The following ZNF341 variants were observed in gnomAD, a reference collection of about 807,000 sequenced individuals.
ZNF341 encodes zinc finger protein 341.
A neutral mutation model predicts 87.7 loss-of-function variants in ZNF341; 52 were observed. That is an observed-to-expected ratio of 0.59 (90% CI 0.47 to 0.75). The LOEUF (loss-of-function observed/expected upper bound fraction) is 0.75. ZNF341 is among the 30% of genes least tolerant of loss of function. ZNF341 has a pLI of 0.00. For missense variants in ZNF341, 977 were observed against 1,145.9 expected, an observed-to-expected ratio of 0.85 and a Z score of 2.13; for synonymous variants, 459 against 472.7, an observed-to-expected ratio of 0.97 and a Z score of 0.38.
chr20:33,747,165 C>T (rs2018943752), intron 3 of ZNF341, among the ~76,000 whole-genome samples: 1 of 152,150 alleles, frequency 6.6e-6, no homozygotes, highest in Admixed American at 6.6e-5. Flanking sequence ...GATGCCAGGT[C>T]AAGGGGTCAG....
Position 33,758,592 on chromosome 20 carries a change from T to G in ZNF341, c.938-124T>G, listed in dbSNP as rs974694636. Reference sequence around the variant, plus strand: ...TCTCCCATGTCTCCTCCCTGGCCTGTGTATGGGCATAGACTTCCCTGGGGT... The same window carrying G: ...TCTCCCATGTCTCCTCCCTGGCCTGGGTATGGGCATAGACTTCCCTGGGGT... On this transcript the variant is annotated intron_variant, in intron 6 of 14. Transcript: ENST00000375200. The G allele has an allele frequency of 4.9e-5, 34 of 700,390 alleles. No homozygotes were observed. In the Middle Eastern group the frequency reaches 1.1e-3, roughly 22 times the overall value. 43.4% of individuals were successfully genotyped at this position (700,390 alleles called of 1,614,324 possible). A position where few individuals can be genotyped will look rare whatever the true frequency, so the allele number is the denominator to read the frequency against.
At chr20:33,747,662 G>A (rs1321516165) in intron 3 of ZNF341, among the ~76,000 whole-genome samples, 1 of 140,030 alleles carries the variant, frequency 7.1e-6, no homozygotes, top group Admixed American at 7.4e-5. Flanking sequence ...TTTTCTCACT[G>A]CTTGACTGTG....
Position 33,788,969 on chromosome 20 carries a change from T to C in ZNF341, c.1959T>C (p.Pro653=). 6.2e-7 allele frequency: 1 copy of C among 1,613,634 alleles called. No individual in the cohort carries two copies. The change falls in exon 13 of 15, where the codon CCT becomes CCC. Residue 653 remains proline, a synonymous_variant. Coordinates refer to ENST00000375200, the MANE Select transcript of ZNF341 (RefSeq NM_001282933.2). ...AGCCCTTCAAGAAATACAAATGCCC[T>C]TTCTCGTGAGTAGAGACTGCCATGC... is the stretch of plus-strand genomic sequence containing the variant. ...IHEPFKKYKC[P]FSTHTGCSKE...
At chr20:33,737,303 TTTTATTTA>T (rs999434655) in intron 1 of ZNF341, among the ~76,000 whole-genome samples, 1 of 151,978 alleles carries the variant, frequency 6.6e-6, no homozygotes, top group Non-Finnish European at 1.5e-5. Flanking sequence ...GGTTTTTTAT[TTTTATTTA>T]TTTATTTATT....
chr20:33,769,836 G>A (rs2019486718), intron 9 of ZNF341, among the ~76,000 whole-genome samples: 1 of 152,208 alleles, frequency 6.6e-6, no homozygotes. Flanking sequence ...GCTTGAACCT[G>A]TGAAGTGGAG....
At chr20:33,749,243 G>A (rs879939044) in intron 4 of ZNF341, among the ~76,000 whole-genome samples, 171 bp downstream of exon 4, 3 of 152,204 alleles carry the variant, frequency 2.0e-5, no homozygotes, top group African/African-American at 4.8e-5. Flanking sequence ...AAGCTGCTAC[G>A]TCTAGGTGGG....
At position 33,749,020 on chromosome 20, in the gene ZNF341, C is replaced by T. The variant is rs754115354; in HGVS notation, c.437C>T (p.Ser146Leu). ...GATGATGTGCTCATGTCTGCCATGT[C>T]AGCCTTCACATCCCTGGACCAGCCC... The part of the protein sequence containing the change: ...VSDDVLMSAM[S>L]AFTSLDQPMP... The change falls in exon 4 of 15, where the codon TCA (serine) becomes TTA (leucine). Residue 146 changes from serine (S) to leucine (L), a missense_variant. Around this residue, in one of 3 missense-constraint regions of ZNF341, gnomAD observed 515 missense variants for 598.2 expected, o/e 0.86. Coordinates refer to ENST00000375200, the MANE Select transcript of ZNF341 (RefSeq NM_001282933.2). 6.2e-7 allele frequency: 1 copy of T among 1,614,200 alleles called. No individual in the cohort carries two copies. Among genetic ancestry groups the T allele is most frequent in the Non-Finnish European group, 8.5e-7 (1 of 1,180,024 alleles).
At chr20:33,734,893 A>G (rs980506804) in intron 1 of ZNF341, among the ~76,000 whole-genome samples, 2 of 151,872 alleles carry the variant, frequency 1.3e-5, no homozygotes, top group African/African-American at 4.8e-5. Flanking sequence ...TTAATAGAGA[A>G]GGGGGTTTCA....
intron 2 of ZNF341, among the ~76,000 whole-genome samples, chr20:33,743,031 CTT>C (rs150306011): frequency 1.2e-4 from 17 of 139,226 alleles, no homozygotes; most frequent in African/African-American, 8.0e-5. Flanking sequence ...CTGTCTCTCT[CTT>C]TTTTTTTTTT....
chr20:33,781,282 T>G lies in ZNF341; in HGVS notation c.1623-9T>G. On this transcript the variant is annotated splice_polypyrimidine_tract_variant and intron_variant, in intron 10 of 14. Coordinates refer to ENST00000375200, the MANE Select transcript of ZNF341 (RefSeq NM_001282933.2). ...TTCCTCCCTCATCTCTCCTGCTCCT[T>G]CCACTTAGGTGTGTCAAATGTGTCA... is the stretch of plus-strand genomic sequence containing the variant. 5 of 1,612,400 alleles carry G rather than the reference T, an allele frequency of 3.1e-6. No homozygotes were observed. Among genetic ancestry groups the G allele is most frequent in the Non-Finnish European group, 4.2e-6 (5 of 1,178,498 alleles).
chr20:33,778,319 A>ATTTT (rs541960050), intron 10 of ZNF341, among the ~76,000 whole-genome samples: 2 of 147,496 alleles, frequency 1.4e-5, no homozygotes, highest in South Asian at 2.1e-4. Context: ...TTCTTTTTTT[A>ATTTT]TTTTTTTTGA....
intron 10 of ZNF341, among the ~76,000 whole-genome samples, chr20:33,780,452 G>A (rs2019718700): frequency 6.6e-6 from 1 of 152,054 alleles, no homozygotes; most frequent in Non-Finnish European, 1.5e-5. Flanking sequence ...CTGCCGCCCA[G>A]GCTGGAGTGC....
chr20:33,766,699 G>T, intron 8 of ZNF341, 152 bp from the exon 9 acceptor site: 1 of 755,062 alleles, frequency 1.3e-6, no homozygotes, highest in Non-Finnish European at 2.1e-6. Context: ...GTGCACAGCA[G>T]CTGAGTGTGA....
At chr20:33,737,587 C>T (rs1434627126) in intron 1 of ZNF341, among the ~76,000 whole-genome samples, 4 of 152,156 alleles carry the variant, frequency 2.6e-5, no homozygotes, top group Non-Finnish European at 5.9e-5. Flanking sequence ...TCCCAAAATG[C>T]TGGGATTACA....
chr20:33,758,676 C>A (rs1192222410), intron 6 of ZNF341, 40 bp from the exon 7 acceptor site: 4 of 1,555,724 alleles, frequency 2.6e-6, no homozygotes, highest in Admixed American at 1.7e-5. Flanking sequence ...CTGAGCTGCA[C>A]CCCCAGCCTC....
In ZNF341 at chr20:33,738,850, G is replaced by T. The variant is rs141346872; in HGVS notation, c.32-2052G>T. On this transcript the variant is annotated intron_variant, in intron 1 of 14. Transcript: ENST00000375200. ...GTTGGTGGAGAGTGGCTTCTGAGGA[G>T]CAGGAGGAGATGGAGGGGAGGGCTG... is the stretch of plus-strand genomic sequence containing the variant. Among the ~76,000 whole-genome samples, 78 of 152,368 alleles carry T rather than the reference G, an allele frequency of 5.1e-4. No individual in the cohort carries two copies. The Middle Eastern group carries it at 0.017, about 33-fold the overall frequency.
rs1568933626 is a variant in ZNF341 at position 33,742,516 on chromosome 20, AT to A, written c.142+1505del. On this transcript the variant is annotated intron_variant, in intron 2 of 14. Coordinates refer to ENST00000375200, the MANE Select transcript of ZNF341 (RefSeq NM_001282933.2). ...GGCCAAGTCGAGACAGGATTTCATC[AT>A]GTTGGCCTGGCTGGTCTCGAACTCC... Among the ~76,000 whole-genome samples the A allele has an allele frequency of 3.3e-5, 5 of 151,696 alleles. No individual in the cohort carries two copies. The South Asian group carries it at 1.0e-3, about 32-fold the overall frequency.
At chr20:33,745,325 A>G (rs778788168) in intron 3 of ZNF341, 26 bp downstream of exon 3, 4 of 1,601,386 alleles carry the variant, frequency 2.5e-6, no homozygotes, top group African/African-American at 2.7e-5. Context: ...TTCATTCAAC[A>G]TGTCTTTTTT....
intron 11 of ZNF341, 72 bp downstream of exon 11, chr20:33,781,459 C>A: frequency 1.5e-6 from 2 of 1,368,582 alleles, no homozygotes; most frequent in African/African-American, 1.4e-5. Context: ...GGGTGCACAC[C>A]TCACCCTTTC....
Sources: allele counts gnomAD v4.1 joint callset (sites outside exome capture counted in the v4.1 genomes callset), GRCh38; gene constraint gnomAD v4.1.1; regional missense constraint gnomAD v4.1.1; transcripts MANE v1.5; gene names NCBI Gene and HGNC (gene_info 2026-07-23, HGNC 2026-07-21).